HS6ST3: variants seen among roughly 807,000 people sequenced by gnomAD.
HS6ST3 encodes the protein heparan-sulfate 6-O-sulfotransferase 3.
HS6ST3 carries 12 observed loss-of-function variants against 36.7 expected under a neutral mutation model. The observed-to-expected ratio is 0.33, with a 90% CI of 0.21 to 0.53. The LOEUF (loss-of-function observed/expected upper bound fraction) is 0.53, where lower values mean the gene tolerates loss of function less well. Ranked by LOEUF, HS6ST3 falls within the 20% of genes least tolerant of loss-of-function variation. The pLI is 0.95. For missense variants in HS6ST3, 584 were observed against 640.9 expected (o/e 0.91, Z 0.96); for synonymous variants, 240 against 257.5 (o/e 0.93, Z 0.65).
At position 96,658,268 on chromosome 13, in the gene HS6ST3, C is replaced by CTTT. The variant is rs71213623; in HGVS notation, c.708-174194_708-174192dup. ...TTCTTCTTCTTCTTCTCTTCTTCTTCTTTTTTTTTTTTTTTTTTTTTTTTT... is the reference window on the plus strand; with the variant it reads ...TTCTTCTTCTTCTTCTCTTCTTCTTCTTTTTTTTTTTTTTTTTTTTTTTTTTTT... On this transcript the variant is annotated intron_variant, in intron 1 of 1. Transcript: ENST00000376705. Among the ~76,000 whole-genome samples the CTTT allele has an allele frequency of 7.4e-4, 56 of 76,128 alleles. 1 individual carries two copies. The highest frequency in any genetic ancestry group is 1.8e-3 in the African/African-American group (33 of 18,508). The allele number at this position is 76,128 out of a possible 152,430, so 49.9% of individuals were successfully genotyped here.
intron 1 of HS6ST3, among the ~76,000 whole-genome samples, chr13:96,784,552 T>C (rs1283087926): frequency 6.6e-6 from 1 of 152,186 alleles, no homozygotes; most frequent in Non-Finnish European, 1.5e-5. Flanking sequence ...GAGTTGGATT[T>C]GCTTAGAAAT....
chr13:96,496,744 G>A (rs2055978923), intron 1 of HS6ST3, among the ~76,000 whole-genome samples: 1 of 152,094 alleles, frequency 6.6e-6, no homozygotes, highest in Admixed American at 6.6e-5. Context: ...GGAACACGTT[G>A]CTATTTTTTT....
chr13:96,135,521 A>G (rs1456007754), intron 1 of HS6ST3, among the ~76,000 whole-genome samples: 1 of 152,190 alleles, frequency 6.6e-6, no homozygotes, highest in Non-Finnish European at 1.5e-5. Flanking sequence ...CGGTATCCCT[A>G]GGGCTGTCAT....
At chr13:96,438,377 A>C (rs1196457028) in intron 1 of HS6ST3, among the ~76,000 whole-genome samples, 1 of 152,212 alleles carries the variant, frequency 6.6e-6, no homozygotes, top group African/African-American at 2.4e-5. Flanking sequence ...CTTATGTGAA[A>C]TTCTTATTTT....
intron 1 of HS6ST3, among the ~76,000 whole-genome samples, chr13:96,793,646 A>G (rs1042460991): frequency 2.0e-5 from 3 of 152,180 alleles, no homozygotes; most frequent in East Asian, 1.9e-4. Flanking sequence ...TTTTACCTCA[A>G]TGTTTCCTGC....
chr13:96,652,597 A>G (rs1158151972), intron 1 of HS6ST3, among the ~76,000 whole-genome samples: 2 of 152,130 alleles, frequency 1.3e-5, no homozygotes, highest in Non-Finnish European at 1.5e-5. Flanking sequence ...ATACAGCCCT[A>G]TGATTTGAAA....
intron 1 of HS6ST3, among the ~76,000 whole-genome samples, chr13:96,287,585 A>G (rs560306680): frequency 6.6e-6 from 1 of 152,286 alleles, no homozygotes; most frequent in East Asian, 1.9e-4. Flanking sequence ...TTTATGGCTT[A>G]ATGCTGAACA....
intron 1 of HS6ST3, among the ~76,000 whole-genome samples, chr13:96,322,933 C>T (rs2055011680): frequency 6.6e-6 from 1 of 152,134 alleles, no homozygotes; most frequent in Non-Finnish European, 1.5e-5. Context: ...ACTTGATTTC[C>T]AGGACACTGT....
intron 1 of HS6ST3, among the ~76,000 whole-genome samples, chr13:96,800,106 C>A (rs1478546572): frequency 6.7e-6 from 1 of 148,434 alleles, no homozygotes; most frequent in Non-Finnish European, 1.5e-5. Context: ...TACTCTTGGG[C>A]ATTATTATTA....
chr13:96,099,451 T>G (rs2053807480), intron 1 of HS6ST3, among the ~76,000 whole-genome samples: 1 of 152,152 alleles, frequency 6.6e-6, no homozygotes, highest in Non-Finnish European at 1.5e-5. Context: ...ACTTGCAGTC[T>G]TTTTCCCCCC....
intron 1 of HS6ST3, among the ~76,000 whole-genome samples, chr13:96,203,784 T>G (rs1305534884): frequency 2.6e-5 from 4 of 152,170 alleles, no homozygotes; most frequent in Non-Finnish European, 4.4e-5. Flanking sequence ...GGGTTCAAAT[T>G]TAAAGTATCA....
chr13:96,494,814 A>G (rs1336391327), intron 1 of HS6ST3, among the ~76,000 whole-genome samples: 2 of 152,142 alleles, frequency 1.3e-5, no homozygotes, highest in African/African-American at 4.8e-5. Context: ...TGACTGCTAT[A>G]TTGTTCCTGG....
rs1201300934 is a variant in HS6ST3 at position 96,626,819 on chromosome 13, C to G, written c.708-205671C>G. ...TCTCAGTACTAAACATTGTTTGATG[C>G]TATTCTACATAGTATTTTTTTTAAA... On this transcript the variant is annotated intron_variant, in intron 1 of 1. Coordinates refer to ENST00000376705, the MANE Select transcript of HS6ST3 (RefSeq NM_153456.4). Among the ~76,000 whole-genome samples the G allele has an allele frequency of 2.0e-5, 3 of 151,950 alleles. No individual in the cohort carries two copies. In the East Asian group the frequency reaches 5.8e-4, roughly 29 times the overall value.
chr13:96,685,735 A>G (rs1454238363), intron 1 of HS6ST3, among the ~76,000 whole-genome samples: 1 of 152,026 alleles, frequency 6.6e-6, no homozygotes, highest in Non-Finnish European at 1.5e-5. Context: ...AAACACAGAC[A>G]CACAATGGGA....
At chr13:96,136,233 T>C (rs2054000871) in intron 1 of HS6ST3, among the ~76,000 whole-genome samples, 1 of 152,212 alleles carries the variant, frequency 6.6e-6, no homozygotes, top group Non-Finnish European at 1.5e-5. Flanking sequence ...ATAAATTTTA[T>C]TGTGTATTGT....
At chr13:96,528,490 A>G (rs980418430) in intron 1 of HS6ST3, among the ~76,000 whole-genome samples, 4 of 152,164 alleles carry the variant, frequency 2.6e-5, no homozygotes, top group Non-Finnish European at 5.9e-5. Context: ...GAAATTAATA[A>G]ATATGTTTTT....
chr13:96,761,398 C>T (rs963891775), intron 1 of HS6ST3, among the ~76,000 whole-genome samples: 3 of 151,972 alleles, frequency 2.0e-5, no homozygotes, highest in Non-Finnish European at 2.9e-5. Context: ...CAGTTCTTAT[C>T]TTCGTTGTTG....
chr13:96,474,702 GA>G (rs1406497230), intron 1 of HS6ST3, among the ~76,000 whole-genome samples: 1 of 152,066 alleles, frequency 6.6e-6, no homozygotes, highest in Non-Finnish European at 1.5e-5. Context: ...CAGAAGCCCA[GA>G]AAAAACGACC....
At chr13:96,751,146 C>G (rs1876690212) in intron 1 of HS6ST3, among the ~76,000 whole-genome samples, 1 of 152,032 alleles carries the variant, frequency 6.6e-6, no homozygotes, top group African/African-American at 2.4e-5. Flanking sequence ...ACTGATGTGG[C>G]TTGAAGGGTG....
Sources: gnomAD v4.1 joint callset for allele counts (sites outside exome capture counted in the v4.1 genomes callset) on GRCh38, gnomAD v4.1.1 for gene constraint, MANE v1.5 for transcripts, NCBI Gene and HGNC (gene_info 2026-07-23, HGNC 2026-07-21) for gene names.